The following FLNB variants were observed in gnomAD, a reference collection of about 807,000 sequenced individuals.
FLNB encodes the protein filamin B, also known as filamin-B.
Under a neutral mutation model 250.6 loss-of-function variants are expected in FLNB, and 111 were observed. That is an observed-to-expected ratio of 0.44 (90% CI 0.38 to 0.52). FLNB has a LOEUF of 0.52. Ranked by LOEUF, FLNB falls within the 20% of genes least tolerant of loss-of-function variation. The probability of loss-of-function intolerance (pLI) is 0.00; values close to 1 mark genes in which losing one functional copy is unlikely to be tolerated. For synonymous variants in FLNB, 1,302 were observed against 1,372.1 expected (o/e 0.95, Z 1.13); for missense variants, 2,869 against 3,447.8 (o/e 0.83, Z 4.20).
chr3:58,115,212 G>A (rs1182225492), intron 18 of FLNB, among the ~76,000 whole-genome samples: 1 of 152,126 alleles, frequency 6.6e-6, no homozygotes, highest in Non-Finnish European at 1.5e-5. Flanking sequence ...TGGTTCTGAG[G>A]GTTGGTGGGA....
At chr3:58,101,606 C>T (rs1036620525) in intron 8 of FLNB, among the ~76,000 whole-genome samples, 1 of 152,226 alleles carries the variant, frequency 6.6e-6, no homozygotes, top group Non-Finnish European at 1.5e-5. Context: ...TAGCCACCCA[C>T]ATTCTGAAGG....
At chr3:58,025,246 C>T (rs1344689628) in intron 1 of FLNB, among the ~76,000 whole-genome samples, 1 of 150,668 alleles carries the variant, frequency 6.6e-6, no homozygotes, top group African/African-American at 2.4e-5. Context: ...CCTCACATCT[C>T]AGCCTCCCGA....
rs78982665 is a variant in FLNB at position 58,087,252 on chromosome 3, G to A, written c.787+5476G>A. Among the ~76,000 whole-genome samples, 487 of 152,106 alleles carry A rather than the reference G, an allele frequency of 3.2e-3. 2 individuals carry two copies. Among genetic ancestry groups the A allele is most frequent in the African/African-American group, 0.011 (470 of 41,480 alleles). ...GAATTATTTTTTTTTATATGGTATC[G>A]ATATTGTGGGTACTTTGCAAGTATC... On this transcript the variant is annotated intron_variant, in intron 4 of 45. Transcript: ENST00000295956.
chr3:58,123,374 C>A lies in FLNB; in HGVS notation c.3408C>A (p.Val1136=). ...AAATGCCCTTTGACCCCTCTAAAGT[C>A]GTGGCATCGGGGCCAGGTCTCGAGC... ...DIEMPFDPSK[V]VASGPGLEHG... Residue 1136 remains valine (V), a synonymous_variant, in exon 21 of 46, where the codon GTC becomes GTA. Transcript: ENST00000295956. The A allele has an allele frequency of 6.2e-7, 1 of 1,614,154 alleles. No individual in the cohort carries two copies. Among genetic ancestry groups the A allele is most frequent in the South Asian group, 1.1e-5 (1 of 91,070 alleles).
chr3:58,148,355 A>C lies in FLNB; in HGVS notation c.5878A>C (p.Asn1960His), dbSNP rs752835234. 1.4e-5 allele frequency: 23 copies of C among 1,613,604 alleles called. No individual in the cohort carries two copies. The highest frequency in any genetic ancestry group is 1.7e-6 in the Non-Finnish European group (2 of 1,179,886). ...CTGTCTCCTGAAGAGGCTGCCCAAC[A>C]ACCACATTGGTGAGCTAGGCTACCC... ...EPCLLKRLPNNHIGISFIPRE... is the reference protein window; with the variant it reads ...EPCLLKRLPNHHIGISFIPRE... Residue 1960 changes from asparagine to histidine, a missense_variant, in exon 35 of 46, where the codon AAC becomes CAC. By Grantham distance (68) the Asn-to-His change is moderately conservative. Around this residue, in one of 5 missense-constraint regions of FLNB, gnomAD observed 1,084 missense variants for 1,315.5 expected, o/e 0.82. Coordinates refer to ENST00000295956, the MANE Select transcript of FLNB (RefSeq NM_001457.4).
chr3:58,086,726 G>A (rs1443667724), intron 4 of FLNB, among the ~76,000 whole-genome samples: 2 of 152,178 alleles, frequency 1.3e-5, no homozygotes, highest in African/African-American at 2.4e-5. Context: ...AGGAAGTGGT[G>A]GAGAGACAGC....
chr3:58,147,090 C>A, intron 34 of FLNB, 97 bp downstream of exon 34: 2 of 1,264,932 alleles, frequency 1.6e-6, no homozygotes, highest in South Asian at 2.5e-5. Context: ...GGCTAGACGT[C>A]TCTTTGAGTT....
rs917473449 is a variant in FLNB, at chr3:58,169,194, T to A, written c.7418-396T>A. On this transcript the variant is annotated intron_variant, in intron 44 of 45. Transcript: ENST00000295956. The surrounding 1 kb of genome is among the most constrained non-coding windows in gnomAD (Gnocchi z 4.8). ...GAAAATTCAGATAGAAAAATCATCC[T>A]TTCTCATCCACAGAATCATTTTTTG... The A allele has an allele frequency of 3.6e-6, 1 of 278,758 alleles. No homozygotes were observed. Among genetic ancestry groups the A allele is most frequent in the Non-Finnish European group, 6.9e-6 (1 of 145,346 alleles). The allele number at this position is 278,758 out of a possible 1,614,324, so 17.3% of individuals were successfully genotyped here. A position where few individuals can be genotyped will look rare whatever the true frequency, so the allele number is the denominator to read the frequency against.
At chr3:58,055,131 G>A (rs1302809513) in intron 1 of FLNB, among the ~76,000 whole-genome samples, 1 of 152,092 alleles carries the variant, frequency 6.6e-6, no homozygotes, top group Non-Finnish European at 1.5e-5. Context: ...GCTAGGCTTG[G>A]TGGTGCTTGC....
Position 58,154,786 on chromosome 3 carries a change from C to T in FLNB, c.6635-5C>T, listed in dbSNP as rs776988526. On this transcript the variant is annotated splice_region_variant and splice_polypyrimidine_tract_variant and intron_variant, in intron 39 of 45. Transcript: ENST00000295956. ...GTCACTAACCAGGTTTCTCTTTGCTCTCAGCTGAGTTCAGCATTTGGACCC... is the reference window on the plus strand; with the variant it reads ...GTCACTAACCAGGTTTCTCTTTGCTTTCAGCTGAGTTCAGCATTTGGACCC... 8 of 1,613,778 alleles carry T rather than the reference C, an allele frequency of 5.0e-6. No individual in the cohort carries two copies. The highest frequency in any genetic ancestry group is 6.8e-6 in the Non-Finnish European group (8 of 1,179,988).
chr3:58,018,578 C>A (rs962141993), intron 1 of FLNB, among the ~76,000 whole-genome samples: 2 of 151,812 alleles, frequency 1.3e-5, no homozygotes, highest in African/African-American at 4.8e-5. Context: ...TACAGTGGCG[C>A]GATCTTGGCT....
Position 58,170,888 on chromosome 3 carries a change from T to G in FLNB, c.*126T>G. 1.2e-6 allele frequency: 1 copy of G among 848,774 alleles called. No homozygotes were observed. The highest frequency in any genetic ancestry group is 1.5e-5 in the South Asian group (1 of 65,012). 52.6% of individuals were successfully genotyped at this position (848,774 alleles called of 1,614,324 possible). On this transcript the variant is annotated 3_prime_UTR_variant, in exon 46 of 46. Coordinates refer to ENST00000295956, the MANE Select transcript of FLNB (RefSeq NM_001457.4). ...AACCCCATCCCTAAAATATTGCTGTTGTAAAATGCCTTCAGAAATAAGTCC... is the reference window on the plus strand; with the variant it reads ...AACCCCATCCCTAAAATATTGCTGTGGTAAAATGCCTTCAGAAATAAGTCC...
At chr3:58,097,635 G>A (rs2097241317) in intron 6 of FLNB, among the ~76,000 whole-genome samples, 180 bp from the exon 7 acceptor site, 2 of 152,170 alleles carry the variant, frequency 1.3e-5, no homozygotes, top group Non-Finnish European at 2.9e-5. Context: ...TGGCTGAAGG[G>A]GCCAGGTGGG....
At chr3:58,160,422 T>C (rs1458573900) in intron 42 of FLNB, among the ~76,000 whole-genome samples, 2 of 152,176 alleles carry the variant, frequency 1.3e-5, no homozygotes, top group African/African-American at 2.4e-5. Context: ...TGAAGGAAGG[T>C]ATAAGGCTCA....
At chr3:58,100,283 A>G (rs965569623) in intron 8 of FLNB, among the ~76,000 whole-genome samples, 1 of 149,796 alleles carries the variant, frequency 6.7e-6, no homozygotes, top group Non-Finnish European at 1.5e-5. Flanking sequence ...TGTACATCCT[A>G]TACTATTTAG....
At chr3:58,154,734 A>C in intron 39 of FLNB, 57 bp from the exon 40 acceptor site, 1 of 1,595,758 alleles carries the variant, frequency 6.3e-7, no homozygotes, top group Non-Finnish European at 8.6e-7. Context: ...CAAGGATGGA[A>C]GAGGGACAGG....
chr3:58,097,077 C>T (rs755473903), intron 6 of FLNB, among the ~76,000 whole-genome samples: 1 of 152,150 alleles, frequency 6.6e-6, no homozygotes, highest in African/African-American at 2.4e-5. Flanking sequence ...CCCAGGAGTA[C>T]ACTTTTCATT....
At chr3:58,135,915 G>A in intron 27 of FLNB, 64 bp from the exon 28 acceptor site, 1 of 1,528,048 alleles carries the variant, frequency 6.5e-7, no homozygotes, top group Non-Finnish European at 9.0e-7. Context: ...ATATGTCAGG[G>A]TTTTCCATGA....
At chr3:58,109,726 T>C (rs1559699549) in intron 15 of FLNB, 27 bp downstream of exon 15, 1 of 1,614,014 alleles carries the variant, frequency 6.2e-7, no homozygotes, top group South Asian at 1.1e-5. Flanking sequence ...TTCAACCCAG[T>C]GATCATTGCT....
Sources: gnomAD v4.1 joint callset for allele counts (sites outside exome capture counted in the v4.1 genomes callset) on GRCh38, gnomAD v4.1.1 for gene constraint, gnomAD v4.1.1 regional missense constraint, Gnocchi (gnomAD v3.1) non-coding constraint, MANE v1.5 for transcripts, NCBI Gene and HGNC (gene_info 2026-07-23, HGNC 2026-07-21) for gene names.